Variants in HPSE2 observed in about 807,000 individuals in gnomAD.
HPSE2 encodes heparanase 2 (inactive), also known as inactive heparanase-2.
In HPSE2, 38 loss-of-function variants were observed where a neutral mutation model predicts 60.5. The observed-to-expected ratio is 0.63, with a 90% confidence interval of 0.48 to 0.82. The LOEUF (loss-of-function observed/expected upper bound fraction) is 0.82, where lower values mean the gene tolerates loss of function less well. Ranked by LOEUF, HPSE2 falls within the 40% of genes least tolerant of loss-of-function variation. The pLI, the probability that HPSE2 is intolerant of heterozygous loss-of-function variation, is 0.00. For synonymous variants in HPSE2, 295 were observed against 293.2 expected (o/e 1.01, Z -0.06); for missense variants, 713 against 740.4 (o/e 0.96, Z 0.43).
chr10:99,059,277 C>A (rs1958181509), intron 3 of HPSE2, among the ~76,000 whole-genome samples: 1 of 152,148 alleles, frequency 6.6e-6, no homozygotes, highest in Admixed American at 6.6e-5. Flanking sequence ...TACATGGTAT[C>A]TTACCCAGAA....
At chr10:98,888,898 T>G (rs938104653) in intron 3 of HPSE2, among the ~76,000 whole-genome samples, 1 of 152,200 alleles carries the variant, frequency 6.6e-6, no homozygotes, top group African/African-American at 2.4e-5. Flanking sequence ...ATTCTCATAA[T>G]TAGTAATCTT....
chr10:98,834,028 G>A (rs1253535705), intron 3 of HPSE2, among the ~76,000 whole-genome samples: 1 of 152,130 alleles, frequency 6.6e-6, no homozygotes, highest in East Asian at 1.9e-4. Context: ...GCTACTGATT[G>A]CATATGCACT....
chr10:98,986,030 C>A (rs527929363), intron 3 of HPSE2, among the ~76,000 whole-genome samples: 1 of 152,228 alleles, frequency 6.6e-6, no homozygotes, highest in African/African-American at 2.4e-5. Flanking sequence ...TAGACTCCCA[C>A]ACAATAATAA....
chr10:98,619,273 C>T (rs932524180), intron 8 of HPSE2, among the ~76,000 whole-genome samples: 1 of 152,164 alleles, frequency 6.6e-6, no homozygotes, highest in Non-Finnish European at 1.5e-5. Flanking sequence ...TGTACTGGAG[C>T]AGGAACAAGT....
At chr10:99,074,794 C>T (rs1842906910) in intron 3 of HPSE2, among the ~76,000 whole-genome samples, 1 of 152,072 alleles carries the variant, frequency 6.6e-6, no homozygotes, top group South Asian at 2.1e-4. Flanking sequence ...ACTGATATAT[C>T]TAAGAATATG....
chr10:99,201,726 C>A (rs930209119), intron 2 of HPSE2, among the ~76,000 whole-genome samples: 1 of 152,132 alleles, frequency 6.6e-6, no homozygotes, highest in Admixed American at 6.5e-5. Flanking sequence ...TTTCCAAATA[C>A]TCCTGATTAT....
chr10:99,063,194 AT>A (rs1842505111), intron 3 of HPSE2, among the ~76,000 whole-genome samples: 1 of 152,176 alleles, frequency 6.6e-6, no homozygotes, highest in South Asian at 2.1e-4. Context: ...ATAAAAATAA[AT>A]TTTTTGGAAG....
the HPSE2 span, among the ~76,000 whole-genome samples, chr10:99,313,766 T>A: frequency 6.7e-6 from 1 of 150,062 alleles, no homozygotes; most frequent in East Asian, 2.0e-4. Flanking sequence ...TGCCCAGCTA[T>A]TTTTTTTTTA....
intron 3 of HPSE2, among the ~76,000 whole-genome samples, chr10:99,119,653 A>T (rs778212151): frequency 2.0e-5 from 3 of 152,196 alleles, no homozygotes; most frequent in Non-Finnish European, 2.9e-5. Flanking sequence ...AGCAAAAAGA[A>T]CAAAGCTGGA....
chr10:99,005,507 A>G (rs558715378), intron 3 of HPSE2, among the ~76,000 whole-genome samples: 1 of 152,266 alleles, frequency 6.6e-6, no homozygotes, highest in South Asian at 2.1e-4. Flanking sequence ...GACTTTTAAA[A>G]ACAATTTCAA....
At chr10:99,211,175 CA>C (rs564869622) in intron 2 of HPSE2, among the ~76,000 whole-genome samples, 34 of 146,456 alleles carry the variant, frequency 2.3e-4, no homozygotes, top group Admixed American at 5.4e-4. Flanking sequence ...ATAGCTTTTA[CA>C]AAAAAAAAAT....
intron 2 of HPSE2, among the ~76,000 whole-genome samples, chr10:99,187,428 C>A (rs1349645044): frequency 6.6e-6 from 1 of 152,116 alleles, no homozygotes; most frequent in Non-Finnish European, 1.5e-5. Flanking sequence ...AAAACTTTTA[C>A]TCTTCAAAAG....
At chr10:98,867,905 C>CA (rs1173571463) in intron 3 of HPSE2, among the ~76,000 whole-genome samples, 1 of 151,454 alleles carries the variant, frequency 6.6e-6, no homozygotes, top group Admixed American at 6.6e-5. Context: ...ACTAAAAATA[C>CA]AAAAAAATTA....
chr10:99,116,028 T>C (rs887524928), intron 3 of HPSE2, among the ~76,000 whole-genome samples: 6 of 152,180 alleles, frequency 3.9e-5, no homozygotes, highest in Admixed American at 2.0e-4. Flanking sequence ...TCAGAAAGAA[T>C]TCTAATACCA....
intron 3 of HPSE2, among the ~76,000 whole-genome samples, chr10:98,795,731 G>A (rs922002441): frequency 1.3e-5 from 2 of 152,186 alleles, no homozygotes; most frequent in Non-Finnish European, 2.9e-5. Context: ...CACTCCCCCA[G>A]CCTAATCAGT....
chr10:98,547,423 A>C (rs1943719764), intron 9 of HPSE2, among the ~76,000 whole-genome samples: 1 of 150,964 alleles, frequency 6.6e-6, no homozygotes, highest in South Asian at 2.1e-4. Context: ...CAACAATGAT[A>C]GATTGGACTA....
Position 99,144,341 on chromosome 10 carries a change from G to C in HPSE2, c.507C>G (p.His169Gln), listed in dbSNP as rs779273450. Residue 169 changes from histidine to glutamine, a missense_variant, in exon 3 of 12, where the codon CAC becomes CAG. His to Gln is a conservative substitution (Grantham distance 24, BLOSUM62 0). Transcript: ENST00000370552. ...DKQKGCKIAQ[H>Q]PDVMLELQRE... ...TTTGGAGCTCCAGCATAACATCAGG[G>C]TGCTGGGCAATCTTGCAGCCTTTCT... 1 of 1,614,062 alleles carries C rather than the reference G, an allele frequency of 6.2e-7. No homozygotes were observed. The highest frequency in any genetic ancestry group is 8.5e-7 in the Non-Finnish European group (1 of 1,179,982).
At chr10:99,308,379 C>CAAAAAAAAAAAA in the HPSE2 span, among the ~76,000 whole-genome samples, 66 of 28,072 alleles carry the variant, frequency 2.4e-3, 5 homozygotes, top group Middle Eastern at 0.023. Flanking sequence ...GACTCTGTCT[C>CAAAAAAAAAAAA]AAAAAAAAAA....
intron 3 of HPSE2, among the ~76,000 whole-genome samples, chr10:98,906,281 T>C (rs1007615703): frequency 6.6e-6 from 1 of 152,202 alleles, no homozygotes; most frequent in Non-Finnish European, 1.5e-5. Context: ...CAGAATCTGC[T>C]TTCTTGGAAA....
Sources: gnomAD v4.1 joint callset for allele counts (sites outside exome capture counted in the v4.1 genomes callset) on GRCh38, gnomAD v4.1.1 for gene constraint, MANE v1.5 for transcripts, NCBI Gene and HGNC (gene_info 2026-07-23, HGNC 2026-07-21) for gene names.